The following GAB4 variants were observed in gnomAD, a reference collection of about 807,000 sequenced individuals.
GAB4 encodes GRB2 associated binding protein family member 4.
In GAB4, 26 loss-of-function variants were observed where a neutral mutation model predicts 51.3. The observed-to-expected ratio is 0.51, with a 90% CI of 0.37 to 0.70. The LOEUF is 0.70. Ranked by LOEUF, GAB4 falls within the 30% of genes least tolerant of loss-of-function variation. The pLI is 0.00. For synonymous variants in GAB4, 329 were observed against 291.2 expected, an observed-to-expected ratio of 1.13 and a Z score of -1.32; for missense variants, 759 against 734.6, an observed-to-expected ratio of 1.03 and a Z score of -0.38.
At chr22:16,987,651 T>C (rs2060878783) in intron 3 of GAB4, among the ~76,000 whole-genome samples, 1 of 152,198 alleles carries the variant, frequency 6.6e-6, no homozygotes, top group Non-Finnish European at 1.5e-5. Flanking sequence ...ACCGACTTTG[T>C]TATTTGCAGT....
At chr22:16,973,490 G>C (rs1321877309) in intron 3 of GAB4, among the ~76,000 whole-genome samples, 1 of 151,964 alleles carries the variant, frequency 6.6e-6, no homozygotes, top group Non-Finnish European at 1.5e-5. Flanking sequence ...CCTGCCCCAG[G>C]TCCCTTACTC....
rs369662275 is a variant in GAB4, at chr22:16,966,229, C to T, written c.1159G>A (p.Gly387Ser). The T allele has an allele frequency of 5.0e-6, 8 of 1,614,052 alleles. No individual in the cohort carries two copies. The highest frequency in any genetic ancestry group is 2.2e-5 in the East Asian group (1 of 44,872). ...DDSQGVCIPV[G>S]SCLVRFDLLG... ...AGGTCAAAGCGAACAAGACATGAGCCCACAGGGATGCAGACACCCTGGGAA... is the reference window on the plus strand; with the variant it reads ...AGGTCAAAGCGAACAAGACATGAGCTCACAGGGATGCAGACACCCTGGGAA... The change falls in exon 6 of 10, where the codon GGC (glycine) becomes AGC (serine). Residue 387 changes from glycine (G) to serine (S), a missense_variant. Gly to Ser is a moderately conservative substitution (Grantham distance 56). Transcript: ENST00000400588.
intron 1 of GAB4, among the ~76,000 whole-genome samples, chr22:17,002,746 C>T (rs2061007847): frequency 1.3e-5 from 2 of 152,168 alleles, no homozygotes; most frequent in South Asian, 4.2e-4. Context: ...TTAATGGGTG[C>T]AGCACACCAA....
At position 16,965,038 on chromosome 22, in the gene GAB4, G is replaced by C. The variant is rs145604941; in HGVS notation, c.1379+140C>G. On this transcript the variant is annotated intron_variant, in intron 7 of 9. Coordinates refer to ENST00000400588, the MANE Select transcript of GAB4 (RefSeq NM_001037814.1). ...CCTTTACAGATGAGAAGGCCGTCAC[G>C]CCTCATGAGACGGAGACAGGATCAG... The C allele has an allele frequency of 6.4e-4, 472 of 733,750 alleles. 5 individuals are homozygous for C. The African/African-American group carries it at 7.4e-3, about 11-fold the overall frequency. The allele number at this position is 733,750 out of a possible 1,614,324, so 45.5% of individuals were successfully genotyped here. A position where few individuals can be genotyped will look rare whatever the true frequency, so the allele number is the denominator to read the frequency against.
In GAB4 at chr22:16,966,249, T is replaced by A. The variant is rs1391916189; in HGVS notation, c.1139A>T (p.Gln380Leu). Residue 380 changes from glutamine to leucine, a missense_variant, in exon 6 of 10, where the codon CAG becomes CTG. Gln to Leu is a moderately radical substitution (Grantham distance 113). This residue lies in a region of GAB4 where 588 missense variants were observed against 510.2 expected (regional missense o/e 1.15). Coordinates refer to ENST00000400588, the MANE Select transcript of GAB4 (RefSeq NM_001037814.1). ...TGAGCCCACAGGGATGCAGACACCCTGGGAATCATCGCCTGCTTGCTTCAC... is the reference window on the plus strand; with the variant it reads ...TGAGCCCACAGGGATGCAGACACCCAGGGAATCATCGCCTGCTTGCTTCAC... ...PAVKQAGDDSQGVCIPVGSCL... is the reference protein window; with the variant it reads ...PAVKQAGDDSLGVCIPVGSCL... The A allele has an allele frequency of 1.5e-5, 25 of 1,613,856 alleles. No homozygotes were observed. The highest frequency in any genetic ancestry group is 2.1e-5 in the Non-Finnish European group (25 of 1,180,020).
chr22:16,985,893 A>G (rs5994119), intron 3 of GAB4, among the ~76,000 whole-genome samples: 1 of 152,242 alleles, frequency 6.6e-6, no homozygotes, highest in Non-Finnish European at 1.5e-5. Flanking sequence ...ACAGAAATCC[A>G]TAACACGACC....
At chr22:16,992,811 T>C (rs1311055976) in intron 1 of GAB4, among the ~76,000 whole-genome samples, 1 of 152,002 alleles carries the variant, frequency 6.6e-6, no homozygotes, top group Non-Finnish European at 1.5e-5. Context: ...AGCCTCTAAT[T>C]CCTGAGCTTA....
intron 1 of GAB4, among the ~76,000 whole-genome samples, chr22:16,998,543 G>A (rs1333918253): frequency 6.6e-6 from 1 of 152,152 alleles, no homozygotes; most frequent in Non-Finnish European, 1.5e-5. Flanking sequence ...AGGAGATTTT[G>A]GGCTGAGACG....
At position 16,966,184 on chromosome 22, in the gene GAB4, C is replaced by T. The variant is rs369886687; in HGVS notation, c.1204G>A (p.Glu402Lys). The T allele has an allele frequency of 7.4e-6, 12 of 1,613,954 alleles. No individual in the cohort carries two copies. Among genetic ancestry groups the T allele is most frequent in the Admixed American group, 1.7e-5 (1 of 59,994 alleles). Residue 402 changes from glutamate (E) to lysine (K), a missense_variant, in exon 6 of 10, where the codon GAG (glutamate) becomes AAG (lysine). Physicochemically the swap from Glu to Lys is moderately conservative, Grantham distance 56 (BLOSUM62 1). Around this residue, in one of 3 missense-constraint regions of GAB4, gnomAD observed 588 missense variants for 510.2 expected, o/e 1.15. Transcript: ENST00000400588. ...CTGAGGTCTTGGTGCATAGAAAGCT[C>T]TGTGAGTGGGGAGCCAAGCAGGTCA... The part of the protein sequence containing the change: ...RFDLLGSPLT[E>K]LSMHQDLSQG...
In GAB4 at chr22:16,964,837, GGGAGGAGCT is replaced by G. The variant is rs767361239; in HGVS notation, c.1396_1404del (p.Ser466_Ser468del). 1.2e-6 allele frequency: 2 copies of G among 1,613,982 alleles called. No homozygotes were observed. Among genetic ancestry groups the G allele is most frequent in the Non-Finnish European group, 1.7e-6 (2 of 1,179,932 alleles). On this transcript the variant is annotated inframe_deletion, in exon 8 of 10. Coordinates refer to ENST00000400588, the MANE Select transcript of GAB4 (RefSeq NM_001037814.1). ...ATGCTCTGCGTGGAGATGGGGTGTT[GGGAGGAGCT>G]GGAGTCAAAGGTGTGGCTGTCATGG...
At chr22:16,968,149 A>G in intron 5 of GAB4, 149 bp downstream of exon 5, 1 of 627,026 alleles carries the variant, frequency 1.6e-6, no homozygotes, top group South Asian at 1.9e-5. Context: ...CCAAAAACTG[A>G]ACCTATGGTT....
rs1328206745 is a variant in GAB4 at position 17,008,211 on chromosome 22, G to T, written c.-97C>A. ...ACGGCTTGCGATACCCTGGGACTGC[G>T]GGGTAGAAAGCGCAGTTCTAGGGGA... On this transcript the variant is annotated 5_prime_UTR_variant, in exon 1 of 10. Coordinates refer to ENST00000400588, the MANE Select transcript of GAB4 (RefSeq NM_001037814.1). 1.2e-6 allele frequency: 1 copy of T among 862,478 alleles called. No individual in the cohort carries two copies. 53.4% of individuals were successfully genotyped at this position (862,478 alleles called of 1,614,324 possible).
At chr22:16,991,313 GA>G (rs59969063) in intron 2 of GAB4, among the ~76,000 whole-genome samples, 2,142 of 117,136 alleles carry the variant, frequency 0.018, 30 homozygotes, top group Admixed American at 0.076. Flanking sequence ...TCTGCCTCAG[GA>G]AAAAAAAAAA....
At chr22:17,007,421 G>A (rs572613110) in intron 1 of GAB4, among the ~76,000 whole-genome samples, 2 of 152,216 alleles carry the variant, frequency 1.3e-5, no homozygotes, top group East Asian at 3.9e-4. Context: ...GAGGAGGGAA[G>A]GGGAGCGAGC....
chr22:16,982,096 C>G (rs2060831767), intron 3 of GAB4, among the ~76,000 whole-genome samples: 1 of 152,164 alleles, frequency 6.6e-6, no homozygotes, highest in Non-Finnish European at 1.5e-5. Flanking sequence ...AAACCCACAG[C>G]TAGCATCATA....
At chr22:16,984,591 T>G (rs760248883) in intron 3 of GAB4, among the ~76,000 whole-genome samples, 40 of 152,106 alleles carry the variant, frequency 2.6e-4, no homozygotes, top group Non-Finnish European at 5.0e-4. Context: ...GTGTAGACTG[T>G]GGGTTGCCAT....
chr22:16,962,423 C>A lies in GAB4; in HGVS notation c.*310G>T, dbSNP rs748918130. The A allele has an allele frequency of 6.1e-5, 14 of 229,206 alleles. No homozygotes were observed. Among genetic ancestry groups the A allele is most frequent in the Non-Finnish European group, 1.2e-4 (14 of 118,368 alleles). 14.2% of individuals were successfully genotyped at this position (229,206 alleles called of 1,614,324 possible). Reference sequence around the variant, plus strand: ...CATGTTCCAGGATTGAGGGAAACAGCCCAGAGGCTAGAAGGAAGAGGCTGA... The same window carrying A: ...CATGTTCCAGGATTGAGGGAAACAGACCAGAGGCTAGAAGGAAGAGGCTGA... On this transcript the variant is annotated 3_prime_UTR_variant, in exon 10 of 10. Coordinates refer to ENST00000400588, the MANE Select transcript of GAB4 (RefSeq NM_001037814.1).
chr22:16,973,483 G>GC (rs1286064725), intron 3 of GAB4, among the ~76,000 whole-genome samples: 1 of 152,022 alleles, frequency 6.6e-6, no homozygotes, highest in African/African-American at 2.4e-5. Flanking sequence ...ACATCTGCCT[G>GC]CCCCAGGTCC....
At chr22:16,999,237 C>A (rs1300480621) in intron 1 of GAB4, among the ~76,000 whole-genome samples, 1 of 152,194 alleles carries the variant, frequency 6.6e-6, no homozygotes, top group Non-Finnish European at 1.5e-5. Context: ...CTTGGTACCT[C>A]TGATAGAATT....
Sources: gnomAD v4.1 joint callset for allele counts (sites outside exome capture counted in the v4.1 genomes callset) on GRCh38, gnomAD v4.1.1 for gene constraint, gnomAD v4.1.1 regional missense constraint, MANE v1.5 for transcripts, NCBI Gene and HGNC (gene_info 2026-07-23, HGNC 2026-07-21) for gene names.